Variants in SMIM41 observed in about 807,000 individuals in gnomAD.
The protein encoded by SMIM41 is small integral membrane protein 41.
chr12:52,097,356 C>A (rs527441175), intron 2 of SMIM41, among the ~76,000 whole-genome samples: 5 of 152,008 alleles, frequency 3.3e-5, no homozygotes, highest in Admixed American at 2.0e-4. Context: ...TCACCCCCCC[C>A]CGGATATTAC....
intron 2 of SMIM41, among the ~76,000 whole-genome samples, chr12:52,090,875 C>T (rs1172447819): frequency 6.6e-6 from 1 of 152,190 alleles, no homozygotes; most frequent in African/African-American, 2.4e-5. Flanking sequence ...CGCCTGGCTG[C>T]CATCCTCACC....
At chr12:52,100,088 C>G (rs1038723746) in intron 2 of SMIM41, among the ~76,000 whole-genome samples, 1 of 142,560 alleles carries the variant, frequency 7.0e-6, no homozygotes, top group African/African-American at 2.5e-5. Context: ...ATCCTCTCCC[C>G]CCCCGGATAT....
intron 2 of SMIM41, among the ~76,000 whole-genome samples, chr12:52,097,407 G>A (rs1417377533): frequency 3.3e-5 from 5 of 151,814 alleles, no homozygotes; most frequent in Non-Finnish European, 7.4e-5. Context: ...AGTGATGCAG[G>A]GAGTAATACC....
At chr12:52,080,889 G>T (rs543291381) in intron 1 of SMIM41, among the ~76,000 whole-genome samples, 5 of 152,142 alleles carry the variant, frequency 3.3e-5, no homozygotes, top group Non-Finnish European at 7.4e-5. Context: ...GGGTGGTGAA[G>T]GGTGGGGGAG....
chr12:52,082,084 C>G (rs10876233), intron 1 of SMIM41: 31,023 of 152,524 alleles, frequency 0.2, 4,055 homozygotes, highest in East Asian at 0.45. Context: ...TTCCAGATGC[C>G]GGCAGCAGCT....
At chr12:52,101,557 T>C (rs560520283) in intron 2 of SMIM41, among the ~76,000 whole-genome samples, 4 of 152,290 alleles carry the variant, frequency 2.6e-5, no homozygotes, top group South Asian at 4.1e-4. Flanking sequence ...AAAGATGGAA[T>C]AAGTGAGTTC....
chr12:52,107,809 C>T lies in SMIM41; in HGVS notation c.*626C>T, dbSNP rs1168140057. The T allele has an allele frequency of 1.6e-5, 6 of 368,774 alleles. No homozygotes were observed. The highest frequency in any genetic ancestry group is 1.3e-4 in the African/African-American group (6 of 46,744). The allele number at this position is 368,774 out of a possible 1,614,324, so 22.8% of individuals were successfully genotyped here. ...TTTTCTCAGTCTTTTAGACTCCCAG[C>T]TGTACAACTTGATTGCCTTACTAAT... On this transcript the variant is annotated 3_prime_UTR_variant, in exon 3 of 3. Coordinates refer to ENST00000546390, the MANE Select transcript of SMIM41 (RefSeq NM_001369216.1).
At chr12:52,102,319 G>T (rs1940231562) in intron 2 of SMIM41, among the ~76,000 whole-genome samples, 1 of 152,182 alleles carries the variant, frequency 6.6e-6, no homozygotes, top group Non-Finnish European at 1.5e-5. Context: ...ATCAGATTGG[G>T]CAATGCTTTC....
At chr12:52,085,691 G>GTACTACA (rs1555171806) in intron 2 of SMIM41, among the ~76,000 whole-genome samples, 2 of 90,010 alleles carry the variant, frequency 2.2e-5, no homozygotes, top group Non-Finnish European at 6.0e-5. Context: ...ACAGTACTAC[G>GTACTACA]CTGAGAGTAT....
intron 2 of SMIM41, among the ~76,000 whole-genome samples, chr12:52,106,997 A>G (rs1209908221): frequency 6.6e-6 from 1 of 152,176 alleles, no homozygotes; most frequent in Non-Finnish European, 1.5e-5. Flanking sequence ...GAATGGTTTT[A>G]TTACATATTT....
chr12:52,091,436 T>C (rs1315564930), intron 2 of SMIM41, among the ~76,000 whole-genome samples: 1 of 152,226 alleles, frequency 6.6e-6, no homozygotes, highest in Non-Finnish European at 1.5e-5. Context: ...AACTCTCCTC[T>C]TTTCATGACT....
intron 2 of SMIM41, among the ~76,000 whole-genome samples, chr12:52,091,197 A>G (rs1408498632): frequency 6.6e-6 from 1 of 152,022 alleles, no homozygotes; most frequent in Non-Finnish European, 1.5e-5. Context: ...CACCATATAG[A>G]GTTCCCTGGC....
At chr12:52,105,710 T>C (rs1940322832) in intron 2 of SMIM41, among the ~76,000 whole-genome samples, 1 of 151,984 alleles carries the variant, frequency 6.6e-6, no homozygotes. Flanking sequence ...CTGAGATCAC[T>C]CCACTGCACT....
intron 2 of SMIM41, among the ~76,000 whole-genome samples, chr12:52,087,162 G>A (rs895064779): frequency 6.6e-6 from 1 of 152,144 alleles, no homozygotes; most frequent in Admixed American, 6.5e-5. Flanking sequence ...TGGAAAATAA[G>A]TGGCCAGAGG....
intron 2 of SMIM41, among the ~76,000 whole-genome samples, chr12:52,100,240 G>A (rs1592329676): frequency 6.6e-6 from 1 of 151,640 alleles, no homozygotes; most frequent in Non-Finnish European, 1.5e-5. Flanking sequence ...TCCTCTCCCC[G>A]CTGGGATATT....
rs952636377 is a variant in SMIM41, at chr12:52,081,210, G to A, written c.*120+1029G>A. Among the ~76,000 whole-genome samples the A allele has an allele frequency of 6.6e-6, 1 of 152,128 alleles. No homozygotes were observed. Among genetic ancestry groups the A allele is most frequent in the Non-Finnish European group, 1.5e-5 (1 of 67,992 alleles). The stretch of plus-strand genomic sequence containing the variant: ...AGCTTTGTACCTAGGAGCCCTGGGG[G>A]TTTCTGTGGGTGGGAGTGTTTGTCA... On this transcript the variant is annotated intron_variant, in intron 1 of 2. Coordinates refer to ENST00000546390, the MANE Select transcript of SMIM41 (RefSeq NM_001369216.1). The surrounding 1 kb of genome is among the most constrained non-coding windows in gnomAD (Gnocchi z 4.1).
intron 2 of SMIM41, among the ~76,000 whole-genome samples, chr12:52,088,886 G>A (rs561713538): frequency 2.1e-4 from 32 of 152,024 alleles, no homozygotes; most frequent in Non-Finnish European, 4.3e-4. Context: ...TGTCCCTCAC[G>A]TGCTCCACCA....
intron 1 of SMIM41, among the ~76,000 whole-genome samples, chr12:52,083,315 A>C (rs1202015759): frequency 6.6e-6 from 1 of 152,160 alleles, no homozygotes; most frequent in Non-Finnish European, 1.5e-5. Context: ...CAATCCAGGA[A>C]TGCTGCATCG....
chr12:52,094,357 A>G (rs1219007151), intron 2 of SMIM41, among the ~76,000 whole-genome samples: 2 of 151,736 alleles, frequency 1.3e-5, no homozygotes, highest in African/African-American at 2.4e-5. Flanking sequence ...CACCATGGCC[A>G]GCTAATTTTT....
Sources: allele counts gnomAD v4.1 joint callset (sites outside exome capture counted in the v4.1 genomes callset), GRCh38; gene constraint gnomAD v4.1.1; non-coding constraint Gnocchi (gnomAD v3.1); transcripts MANE v1.5; gene names NCBI Gene and HGNC (gene_info 2026-07-23, HGNC 2026-07-21).